DLGAP1: variants seen among roughly 807,000 people sequenced by gnomAD.
The protein encoded by DLGAP1 is DLG associated protein 1.
A neutral mutation model predicts 90.8 loss-of-function variants in DLGAP1; 11 were observed. The observed-to-expected ratio is 0.12, with a 90% CI of 0.08 to 0.20. The LOEUF (loss-of-function observed/expected upper bound fraction) is 0.20. Ranked by LOEUF, DLGAP1 falls within the 10% of genes least tolerant of loss-of-function variation. The pLI, the probability that DLGAP1 is intolerant of heterozygous loss-of-function variation, is 1.00. For missense variants in DLGAP1, 1,050 were observed against 1,333.8 expected (o/e 0.79, Z 3.31); for synonymous variants, 558 against 540.7 (o/e 1.03, Z -0.44).
At chr18:3,675,241 TTG>T (rs1396063120) in intron 7 of DLGAP1, among the ~76,000 whole-genome samples, 4 of 152,162 alleles carry the variant, frequency 2.6e-5, no homozygotes, top group African/African-American at 9.7e-5. Flanking sequence ...TGGCTAAGTT[TTG>T]TGTTTTTAGT....
intron 2 of DLGAP1, among the ~76,000 whole-genome samples, chr18:4,024,755 C>T (rs757822428): frequency 6.6e-6 from 1 of 152,066 alleles, no homozygotes; most frequent in Non-Finnish European, 1.5e-5. Context: ...TATAGCTGTG[C>T]CTAATCAAAG....
At chr18:4,212,531 G>T (rs1289335522) in intron 1 of DLGAP1, among the ~76,000 whole-genome samples, 1 of 144,576 alleles carries the variant, frequency 6.9e-6, no homozygotes, top group East Asian at 2.1e-4. Flanking sequence ...AAAAATCCAG[G>T]TGTGGTGGTG....
At chr18:4,083,350 T>C (rs142113795) in intron 2 of DLGAP1, among the ~76,000 whole-genome samples, 186 of 152,372 alleles carry the variant, frequency 1.2e-3, no homozygotes, top group Non-Finnish European at 1.9e-3. Context: ...TTCCTCTTTC[T>C]ATAAAAACAG....
At chr18:3,983,376 G>A (rs968656436) in intron 3 of DLGAP1, 4 of 152,082 alleles carry the variant, frequency 2.6e-5, no homozygotes, top group African/African-American at 7.2e-5. Context: ...CCCAAATAAA[G>A]CTCATTTGCC....
At chr18:3,554,018 G>C (rs1314221208) in intron 9 of DLGAP1, among the ~76,000 whole-genome samples, 1 of 152,154 alleles carries the variant, frequency 6.6e-6, no homozygotes, top group Non-Finnish European at 1.5e-5. Context: ...AGAAAGTCTA[G>C]TTTGAAGCCA....
chr18:3,548,643 G>A (rs1193525208), intron 9 of DLGAP1, among the ~76,000 whole-genome samples: 5 of 151,904 alleles, frequency 3.3e-5, no homozygotes, highest in Non-Finnish European at 2.9e-5. Flanking sequence ...GGTACACCTC[G>A]GATCGCGCCA....
intron 1 of DLGAP1, among the ~76,000 whole-genome samples, chr18:4,262,285 A>G (rs1011044325): frequency 6.6e-6 from 1 of 152,180 alleles, no homozygotes; most frequent in Non-Finnish European, 1.5e-5. Context: ...AATTCCCTTA[A>G]TTAAGAAAGT....
intron 1 of DLGAP1, among the ~76,000 whole-genome samples, chr18:4,361,194 T>A (rs1289590588): frequency 1.3e-5 from 2 of 149,918 alleles, no homozygotes; most frequent in Admixed American, 6.6e-5. Flanking sequence ...AATAACATAA[T>A]ATATTTTATT....
intron 1 of DLGAP1, among the ~76,000 whole-genome samples, chr18:4,377,987 C>T (rs1356810107): frequency 6.6e-6 from 1 of 151,076 alleles, no homozygotes; most frequent in East Asian, 1.9e-4. Flanking sequence ...TGGAGTATGG[C>T]CAAATTAAAT....
rs537827384 is a variant in DLGAP1 at position 3,873,968 on chromosome 18, G to A, written c.957+5144C>T. On this transcript the variant is annotated intron_variant, in intron 4 of 12. Coordinates refer to ENST00000315677, the MANE Select transcript of DLGAP1 (RefSeq NM_004746.4). ...AGACACAGATTTGTAGATATCTGATGTCTCCATCTGCTTTTTTACTATCTG... is the reference window on the plus strand; with the variant it reads ...AGACACAGATTTGTAGATATCTGATATCTCCATCTGCTTTTTTACTATCTG... Among the ~76,000 whole-genome samples, 3 of 152,238 alleles carry A rather than the reference G, an allele frequency of 2.0e-5. No individual in the cohort carries two copies. In the South Asian group the frequency reaches 6.2e-4, roughly 32 times the overall value.
chr18:4,132,069 A>G (rs1046153511), intron 2 of DLGAP1, among the ~76,000 whole-genome samples: 1 of 152,084 alleles, frequency 6.6e-6, no homozygotes, highest in Non-Finnish European at 1.5e-5. Context: ...CTAGAATGCT[A>G]ATTCTTGAAG....
At chr18:4,223,157 A>G (rs1442200568) in intron 1 of DLGAP1, among the ~76,000 whole-genome samples, 2 of 152,140 alleles carry the variant, frequency 1.3e-5, no homozygotes, top group Non-Finnish European at 2.9e-5. Context: ...TGAAGCATTT[A>G]GTACATTTTT....
chr18:3,669,555 G>T (rs1226600674), intron 7 of DLGAP1, among the ~76,000 whole-genome samples: 1 of 152,228 alleles, frequency 6.6e-6, no homozygotes, highest in African/African-American at 2.4e-5. Flanking sequence ...CTGCGGAAGA[G>T]CACATCGATA....
intron 2 of DLGAP1, among the ~76,000 whole-genome samples, chr18:4,129,322 T>C (rs2076278930): frequency 6.6e-6 from 1 of 152,112 alleles, no homozygotes; most frequent in Non-Finnish European, 1.5e-5. Context: ...AATTCAAGTA[T>C]TACACACACA....
chr18:3,831,020 C>A lies in DLGAP1; in HGVS notation c.958-16747G>T, dbSNP rs538840967. ...TCCTCTACCAAGGGCAGGGAAGAAA[C>A]CTCGCAATGGTTGTGGGCAAACAGG... On this transcript the variant is annotated intron_variant, in intron 4 of 12. Coordinates refer to ENST00000315677, the MANE Select transcript of DLGAP1 (RefSeq NM_004746.4). Among the ~76,000 whole-genome samples, 822 of 152,322 alleles carry A rather than the reference C, an allele frequency of 5.4e-3. 4 individuals carry two copies. Among genetic ancestry groups the A allele is most frequent in the Non-Finnish European group, 8.1e-3 (552 of 68,030 alleles).
chr18:4,087,858 GC>G, intron 2 of DLGAP1, among the ~76,000 whole-genome samples: 1 of 139,600 alleles, frequency 7.2e-6, no homozygotes, highest in African/African-American at 2.6e-5. Flanking sequence ...GTTGGGCTTT[GC>G]TTTGTTTGAG....
At chr18:4,237,547 G>T (rs1234545109) in intron 1 of DLGAP1, among the ~76,000 whole-genome samples, 2 of 152,132 alleles carry the variant, frequency 1.3e-5, no homozygotes, top group African/African-American at 4.8e-5. Context: ...CCAGGTTCCT[G>T]CCTTTTCTGA....
chr18:4,366,007 T>C (rs1009700029), intron 1 of DLGAP1, among the ~76,000 whole-genome samples: 24 of 152,116 alleles, frequency 1.6e-4, no homozygotes, highest in Non-Finnish European at 2.9e-4. Context: ...ATATTAATGT[T>C]GAAGTAAGTA....
At chr18:3,806,395 G>A (rs1406129375) in intron 5 of DLGAP1, among the ~76,000 whole-genome samples, 1 of 152,158 alleles carries the variant, frequency 6.6e-6, no homozygotes, top group African/African-American at 2.4e-5. Context: ...TTAGACTCGT[G>A]TGTGTGTATG....
Sources: allele counts gnomAD v4.1 joint callset (sites outside exome capture counted in the v4.1 genomes callset), GRCh38; gene constraint gnomAD v4.1.1; transcripts MANE v1.5; gene names NCBI Gene and HGNC (gene_info 2026-07-23, HGNC 2026-07-21).